Variants in WDR27 observed in about 807,000 individuals in gnomAD.
The protein encoded by WDR27 is WD repeat-containing protein 27.
In WDR27, 100 loss-of-function variants were observed where a neutral mutation model predicts 114.4. That is an observed-to-expected ratio of 0.87 (90% CI 0.74 to 1.03). The LOEUF (loss-of-function observed/expected upper bound fraction) is 1.03. Among genes scored for constraint, WDR27 ranks in the 50% least tolerant of loss-of-function variants. The pLI, the probability that WDR27 is intolerant of heterozygous loss-of-function variation, is 0.00. For missense variants in WDR27, 1,129 were observed against 1,092.9 expected (o/e 1.03, Z -0.47); for synonymous variants, 449 against 423.1 (o/e 1.06, Z -0.75).
chr6:169,498,731 A>G (rs911416216), intron 25 of WDR27, among the ~76,000 whole-genome samples: 1 of 152,226 alleles, frequency 6.6e-6, no homozygotes, highest in African/African-American at 2.4e-5. Flanking sequence ...CCATATTAAA[A>G]GGTTACATAG....
intron 2 of WDR27, among the ~76,000 whole-genome samples, chr6:169,676,651 C>T (rs1240819663): frequency 2.6e-5 from 4 of 152,256 alleles, no homozygotes; most frequent in East Asian, 3.9e-4. Context: ...TATTGGGGAC[C>T]TTGGTCTCCA....
rs190678016 is a variant in WDR27 at position 169,532,192 on chromosome 6, T to C, written c.2645+40227A>G. On this transcript the variant is annotated intron_variant, in intron 25 of 25. Coordinates refer to ENST00000448612, the MANE Select transcript of WDR27 (RefSeq NM_182552.5). ...CAATTTTTTAAATTTCTTAACTTTT[T>C]CAAACTTATATTTTTTCAGGGAAAA... is the stretch of plus-strand genomic sequence containing the variant. 1.7e-3 allele frequency among the ~76,000 whole-genome samples: 263 copies of C among 152,074 alleles called. 2 individuals carry two copies. Among genetic ancestry groups the C allele is most frequent in the African/African-American group, 5.9e-3 (244 of 41,368 alleles).
intron 25 of WDR27, among the ~76,000 whole-genome samples, chr6:169,566,543 C>T (rs1800531302): frequency 6.6e-6 from 1 of 152,198 alleles, no homozygotes; most frequent in Non-Finnish European, 1.5e-5. Flanking sequence ...TGACGATGAC[C>T]ATTAATTGGT....
chr6:169,580,950 TATAC>T (rs901335151), intron 24 of WDR27, among the ~76,000 whole-genome samples: 22 of 139,298 alleles, frequency 1.6e-4, no homozygotes, highest in South Asian at 4.5e-4. Context: ...TATATATATA[TATAC>T]ATATATATAT....
chr6:169,702,023 T>A lies in WDR27; in HGVS notation c.-480A>T, dbSNP rs1441638920. 1 of 450,406 alleles carries A rather than the reference T, an allele frequency of 2.2e-6. No individual in the cohort carries two copies. The allele number at this position is 450,406 out of a possible 1,614,324, so 27.9% of individuals were successfully genotyped here. A position where few individuals can be genotyped will look rare whatever the true frequency, so the allele number is the denominator to read the frequency against. The stretch of plus-strand genomic sequence containing the variant: ...TTGCCAGCCGACCCACGCGAGCCGC[T>A]ATGGTTACTAGCCCGCCGCCCCTCG... On this transcript the variant is annotated 5_prime_UTR_variant, in exon 1 of 26. Transcript: ENST00000448612.
rs758324543 is a variant in WDR27, at chr6:169,662,436, A to T, written c.905-12T>A. 2 of 1,613,260 alleles carry T rather than the reference A, an allele frequency of 1.2e-6. No individual in the cohort carries two copies. The highest frequency in any genetic ancestry group is 4.5e-5 in the East Asian group (2 of 44,850). ...AAGCTGGCTTTCTTCTAGGGACAGA[A>T]TTATTGAGAATCTAAGAAGTGAACT... On this transcript the variant is annotated splice_polypyrimidine_tract_variant and intron_variant, in intron 8 of 25. Coordinates refer to ENST00000448612, the MANE Select transcript of WDR27 (RefSeq NM_182552.5).
the WDR27 span, among the ~76,000 whole-genome samples, chr6:169,446,368 C>A: frequency 6.6e-6 from 1 of 151,566 alleles, no homozygotes; most frequent in Non-Finnish European, 1.5e-5. Context: ...GGAAGGTGGG[C>A]AGGGGCCGGG....
At chr6:169,615,288 G>A (rs80297937) in intron 21 of WDR27, among the ~76,000 whole-genome samples, 12,243 of 152,044 alleles carry the variant, frequency 0.081, 859 homozygotes, top group South Asian at 0.29. Context: ...GTAAACTTGT[G>A]GCACAGGGGT....
chr6:169,571,187 A>T, intron 25 of WDR27, among the ~76,000 whole-genome samples: 1 of 152,170 alleles, frequency 6.6e-6, no homozygotes, highest in East Asian at 1.9e-4. Context: ...GCTAAACCAC[A>T]ACTCTCAAAG....
At chr6:169,613,455 G>T in intron 22 of WDR27, 104 bp downstream of exon 22, 1 of 931,552 alleles carries the variant, frequency 1.1e-6, no homozygotes, top group Non-Finnish European at 1.7e-6. Context: ...TAGTCAGTGT[G>T]CACAGATTAA....
intron 23 of WDR27, among the ~76,000 whole-genome samples, chr6:169,592,386 G>A (rs769172448): frequency 4.6e-5 from 7 of 152,120 alleles, no homozygotes; most frequent in Non-Finnish European, 1.0e-4. Context: ...GGAAAAAAAT[G>A]TTCTTAATGC....
chr6:169,633,553 A>T (rs1317568540), intron 20 of WDR27, among the ~76,000 whole-genome samples: 2 of 152,188 alleles, frequency 1.3e-5, no homozygotes. Flanking sequence ...CGTGCTTCAT[A>T]AACTTGACCT....
chr6:169,440,026 T>C, the WDR27 span, among the ~76,000 whole-genome samples: 1 of 151,272 alleles, frequency 6.6e-6, no homozygotes, highest in African/African-American at 2.5e-5. Flanking sequence ...ATCTGAAGCC[T>C]GCCTTGATTT....
At chr6:169,633,765 T>C (rs1817016553) in intron 20 of WDR27, among the ~76,000 whole-genome samples, 2 of 152,342 alleles carry the variant, frequency 1.3e-5, no homozygotes, top group South Asian at 4.1e-4. Flanking sequence ...TCATTTAAGC[T>C]AGAATAATCC....
chr6:169,598,144 A>G (rs778602378), intron 23 of WDR27, among the ~76,000 whole-genome samples: 3 of 152,180 alleles, frequency 2.0e-5, no homozygotes, highest in South Asian at 2.1e-4. Context: ...GAAGAATGTG[A>G]TCTTATTTGG....
intron 23 of WDR27, among the ~76,000 whole-genome samples, chr6:169,586,846 T>G (rs1024176894): frequency 5.1e-4 from 1 of 1,944 alleles, no homozygotes; most frequent in South Asian, 0.02. Flanking sequence ...AGACTCTGTC[T>G]CAAAAAAAAA....
intron 21 of WDR27, among the ~76,000 whole-genome samples, chr6:169,627,725 G>A: frequency 6.6e-6 from 1 of 152,172 alleles, no homozygotes; most frequent in East Asian, 1.9e-4. Flanking sequence ...AAGATACTGG[G>A]TTCAGTTGAG....
intron 2 of WDR27, among the ~76,000 whole-genome samples, chr6:169,681,966 A>G (rs1174038635): frequency 6.6e-6 from 1 of 152,184 alleles, no homozygotes; most frequent in Non-Finnish European, 1.5e-5. Context: ...AAGGGGGCCC[A>G]GTCCCAGCTC....
intron 25 of WDR27, among the ~76,000 whole-genome samples, chr6:169,480,492 C>T (rs746244251): frequency 3.3e-5 from 5 of 152,244 alleles, no homozygotes; most frequent in Non-Finnish European, 7.3e-5. Context: ...CTAGGCGAAG[C>T]CAGCTGGGCT....
Sources: allele counts gnomAD v4.1 joint callset (sites outside exome capture counted in the v4.1 genomes callset), GRCh38; gene constraint gnomAD v4.1.1; transcripts MANE v1.5; gene names NCBI Gene and HGNC (gene_info 2026-07-23, HGNC 2026-07-21).